The following LRRC4C variants were observed in gnomAD, a reference collection of about 807,000 sequenced individuals.
LRRC4C encodes the protein leucine rich repeat containing 4C, also known as leucine-rich repeat-containing protein 4C.
In LRRC4C, 5 loss-of-function variants were observed where a neutral mutation model predicts 33.6. That is an observed-to-expected ratio of 0.15 (90% confidence interval 0.08 to 0.31). The LOEUF (loss-of-function observed/expected upper bound fraction) is 0.31. LRRC4C is among the 10% of genes least tolerant of loss of function. The pLI is 1.00. For missense variants in LRRC4C, 560 were observed against 796.7 expected (o/e 0.70, Z 3.58); for synonymous variants, 329 against 302.0 (o/e 1.09, Z -0.93).
intron 3 of LRRC4C, among the ~76,000 whole-genome samples, chr11:40,611,924 T>C (rs962169231): frequency 8.6e-5 from 13 of 151,752 alleles, no homozygotes; most frequent in Non-Finnish European, 1.8e-4. Flanking sequence ...CTCTTTTACG[T>C]TAGGGGAGAA....
intron 3 of LRRC4C, among the ~76,000 whole-genome samples, chr11:40,391,500 C>T (rs1949335636): frequency 6.6e-6 from 1 of 152,138 alleles, no homozygotes; most frequent in Non-Finnish European, 1.5e-5. Context: ...TGTCTCCATT[C>T]TGAGATGAGA....
intron 1 of LRRC4C, among the ~76,000 whole-genome samples, chr11:40,937,639 G>GTA (rs1434500015): frequency 6.6e-6 from 1 of 150,456 alleles, no homozygotes; most frequent in Non-Finnish European, 1.5e-5. Context: ...GTGTGTGTGT[G>GTA]TGTGTAGGGT....
chr11:40,851,850 C>A (rs1353628651), intron 2 of LRRC4C, among the ~76,000 whole-genome samples: 1 of 152,194 alleles, frequency 6.6e-6, no homozygotes, highest in Non-Finnish European at 1.5e-5. Flanking sequence ...GTCTTTAGGA[C>A]CCTGGCGATC....
chr11:40,448,972 T>A (rs1951766494), intron 3 of LRRC4C, among the ~76,000 whole-genome samples: 1 of 152,216 alleles, frequency 6.6e-6, no homozygotes, highest in South Asian at 2.1e-4. Context: ...CTCATTGTGG[T>A]TTTGATTTGC....
intron 3 of LRRC4C, among the ~76,000 whole-genome samples, chr11:40,609,091 A>G (rs980321890): frequency 1.3e-5 from 2 of 152,098 alleles, no homozygotes; most frequent in Non-Finnish European, 2.9e-5. Flanking sequence ...TATACAAAAC[A>G]TTCCACCCAA....
At chr11:41,065,046 G>C (rs1938115568) in intron 1 of LRRC4C, among the ~76,000 whole-genome samples, 1 of 152,174 alleles carries the variant, frequency 6.6e-6, no homozygotes, top group Admixed American at 6.5e-5. Context: ...GTACTCCAGT[G>C]AGACAGGAGA....
rs1383827837 is a variant in LRRC4C, at chr11:41,341,184, A to C, written c.-496+118247T>G. ...TGTTAGGTGAGGATGTTACTTAAGA[A>C]AACAAGTACCAGAGAAAAAGACTGA... On this transcript the variant is annotated intron_variant, in intron 1 of 6. Transcript: ENST00000528697. Among the ~76,000 whole-genome samples the C allele has an allele frequency of 1.5e-3, 233 of 151,996 alleles. 6 individuals are homozygous for C. The highest frequency in any genetic ancestry group is 4.7e-4 in the Non-Finnish European group (32 of 67,980).
chr11:41,351,512 C>T (rs1349994124), intron 1 of LRRC4C, among the ~76,000 whole-genome samples: 3 of 151,980 alleles, frequency 2.0e-5, no homozygotes, highest in Non-Finnish European at 4.4e-5. Flanking sequence ...TGGTAGTATG[C>T]AAGACAGCCA....
At chr11:40,986,814 G>A (rs1332967208) in intron 1 of LRRC4C, among the ~76,000 whole-genome samples, 1 of 152,092 alleles carries the variant, frequency 6.6e-6, no homozygotes, top group Non-Finnish European at 1.5e-5. Flanking sequence ...ATATATCTGT[G>A]TATTTTATGT....
intron 2 of LRRC4C, among the ~76,000 whole-genome samples, chr11:40,792,783 T>C (rs1418322957): frequency 3.3e-5 from 5 of 152,020 alleles, no homozygotes; most frequent in Admixed American, 2.6e-4. Context: ...GTGGCACATA[T>C]ACACCATGGA....
intron 3 of LRRC4C, among the ~76,000 whole-genome samples, chr11:40,432,309 C>T (rs1950967008): frequency 6.6e-6 from 1 of 152,132 alleles, no homozygotes; most frequent in Admixed American, 6.5e-5. Context: ...TTGAAATCCC[C>T]TCTGAACTAC....
At chr11:40,321,402 A>G (rs1379249837) in intron 3 of LRRC4C, among the ~76,000 whole-genome samples, 6 of 152,190 alleles carry the variant, frequency 3.9e-5, no homozygotes, top group African/African-American at 1.4e-4. Context: ...TTAAGCTTGC[A>G]TTATACTTCT....
At chr11:41,378,978 T>G (rs1953044359) in intron 1 of LRRC4C, among the ~76,000 whole-genome samples, 1 of 152,010 alleles carries the variant, frequency 6.6e-6, no homozygotes, top group South Asian at 2.1e-4. Flanking sequence ...TTCTCTTTCT[T>G]CATTATCTTT....
chr11:41,237,667 G>A (rs972944728), intron 1 of LRRC4C, among the ~76,000 whole-genome samples: 16 of 152,164 alleles, frequency 1.1e-4, no homozygotes, highest in Admixed American at 6.5e-5. Context: ...CAATGTTTCA[G>A]AGGAACATTA....
intron 1 of LRRC4C, among the ~76,000 whole-genome samples, chr11:41,244,213 G>GAAAC (rs1177484637): frequency 9.7e-6 from 1 of 103,498 alleles, no homozygotes; most frequent in African/African-American, 3.5e-5. Context: ...AAGAAAGAAA[G>GAAAC]AGAGAGAGAA....
intron 5 of LRRC4C, among the ~76,000 whole-genome samples, chr11:40,211,487 T>G (rs1056315296): frequency 6.6e-6 from 1 of 152,216 alleles, no homozygotes. Flanking sequence ...AAGAAGTAAC[T>G]ATATCTAAAA....
chr11:41,106,930 T>C (rs1231143113), intron 1 of LRRC4C, among the ~76,000 whole-genome samples: 1 of 151,952 alleles, frequency 6.6e-6, no homozygotes, highest in Non-Finnish European at 1.5e-5. Flanking sequence ...GGAGGATCCC[T>C]TGAGTCTAGG....
chr11:40,977,357 T>A (rs1421112491), intron 1 of LRRC4C, among the ~76,000 whole-genome samples: 1 of 152,152 alleles, frequency 6.6e-6, no homozygotes, highest in African/African-American at 2.4e-5. Flanking sequence ...GTACCACCAA[T>A]TTTGTTGTCA....
intron 2 of LRRC4C, among the ~76,000 whole-genome samples, chr11:40,751,973 C>A (rs1948710199): frequency 6.6e-6 from 1 of 152,018 alleles, no homozygotes; most frequent in Non-Finnish European, 1.5e-5. Flanking sequence ...TGATTTTTGA[C>A]AAATACATCA....
Sources: gnomAD v4.1 joint callset for allele counts (sites outside exome capture counted in the v4.1 genomes callset) on GRCh38, gnomAD v4.1.1 for gene constraint, MANE v1.5 for transcripts, NCBI Gene and HGNC (gene_info 2026-07-23, HGNC 2026-07-21) for gene names.